The following CACNB4 variants were observed in gnomAD, a reference collection of about 807,000 sequenced individuals.
CACNB4 encodes the protein calcium voltage-gated channel auxiliary subunit beta 4, also known as voltage-dependent L-type calcium channel subunit beta-4.
Under a neutral mutation model 71.2 loss-of-function variants are expected in CACNB4, and 32 were observed. That is an observed-to-expected ratio of 0.45 (90% CI 0.34 to 0.60). CACNB4 has a LOEUF of 0.60. CACNB4 is among the 20% of genes least tolerant of loss of function. The pLI is 0.01. For synonymous variants in CACNB4, 231 were observed against 236.9 expected (o/e 0.97, Z 0.23); for missense variants, 464 against 647.9 (o/e 0.72, Z 3.08).
chr2:151,895,096 C>CCT (rs762464510), intron 2 of CACNB4, among the ~76,000 whole-genome samples: 2 of 22,288 alleles, frequency 9.0e-5, no homozygotes, highest in Non-Finnish European at 5.4e-4. Flanking sequence ...TCAAATAGCC[C>CCT]CACACACACA....
chr2:151,843,609 C>A (rs1578425291), intron 12 of CACNB4, among the ~76,000 whole-genome samples: 1 of 152,198 alleles, frequency 6.6e-6, no homozygotes, highest in East Asian at 1.9e-4. Flanking sequence ...AGTCACCACA[C>A]CCGGCTCACA....
Position 152,058,877 on chromosome 2 carries a change from C to T in CACNB4, c.147+39453G>A, listed in dbSNP as rs188000558. 3.2e-3 allele frequency among the ~76,000 whole-genome samples: 490 copies of T among 152,326 alleles called. 4 individuals carry two copies. The highest frequency in any genetic ancestry group is 4.5e-3 in the Non-Finnish European group (309 of 68,024). Reference sequence around the variant, plus strand: ...TGGTTTCATGGGCTGTGCCCAGGATCCCCCCTGCTGTATGTAGCCTCTTGG... The same window carrying T: ...TGGTTTCATGGGCTGTGCCCAGGATTCCCCCTGCTGTATGTAGCCTCTTGG... On this transcript the variant is annotated intron_variant, in intron 2 of 13. Transcript: ENST00000539935.
chr2:151,876,242 G>A (rs1181528552), intron 5 of CACNB4, among the ~76,000 whole-genome samples, 184 bp downstream of exon 5: 1 of 152,016 alleles, frequency 6.6e-6, no homozygotes, highest in African/African-American at 2.4e-5. Flanking sequence ...GAATTCATAT[G>A]GTCTCCAGTG....
chr2:151,952,890 C>G (rs75986362), intron 2 of CACNB4, among the ~76,000 whole-genome samples: 1,530 of 152,280 alleles, frequency 0.01, 24 homozygotes, highest in African/African-American at 0.035. Flanking sequence ...AGGATGAAAA[C>G]CGGTTTCTAG....
chr2:151,903,920 T>C (rs903126255), intron 2 of CACNB4, among the ~76,000 whole-genome samples: 1 of 152,200 alleles, frequency 6.6e-6, no homozygotes, highest in African/African-American at 2.4e-5. Context: ...ATCTTTTTCA[T>C]CTTTGTGTCC....
chr2:152,059,864 G>A (rs1169386300), intron 2 of CACNB4, among the ~76,000 whole-genome samples: 1 of 152,218 alleles, frequency 6.6e-6, no homozygotes, highest in African/African-American at 2.4e-5. Context: ...CAAGGAGGGA[G>A]GTGATTGGAT....
At chr2:152,084,356 A>G (rs2105435166) in intron 2 of CACNB4, among the ~76,000 whole-genome samples, 1 of 152,322 alleles carries the variant, frequency 6.6e-6, no homozygotes, top group South Asian at 2.1e-4. Context: ...GCACCTTAGA[A>G]GGAAGAAGCT....
chr2:151,851,742 C>G (rs1423769991), intron 12 of CACNB4: 3 of 152,148 alleles, frequency 2.0e-5, no homozygotes, highest in Non-Finnish European at 2.9e-5. Flanking sequence ...AAATCTCTTG[C>G]ATTTGTAATT....
chr2:152,096,584 C>G (rs1005358983), intron 2 of CACNB4, among the ~76,000 whole-genome samples: 1 of 152,140 alleles, frequency 6.6e-6, no homozygotes, highest in Non-Finnish European at 1.5e-5. Flanking sequence ...ACCATTTAAT[C>G]AAACCAATGA....
intron 9 of CACNB4, chr2:151,866,494 CTATT>C (rs1446763161): frequency 6.6e-6 from 1 of 152,210 alleles, no homozygotes; most frequent in Non-Finnish European, 1.5e-5. Context: ...CAATTAAAGA[CTATT>C]TGTTTTTTTC....
chr2:151,863,044 T>C (rs979775426), intron 9 of CACNB4, among the ~76,000 whole-genome samples: 1 of 151,616 alleles, frequency 6.6e-6, no homozygotes, highest in Non-Finnish European at 1.5e-5. Context: ...CTCTCCAGAA[T>C]AGGGTTTGTG....
At chr2:151,871,010 AT>A (rs1253247995) in intron 6 of CACNB4, 149 bp from the exon 7 acceptor site, 7 of 631,256 alleles carry the variant, frequency 1.1e-5, no homozygotes, top group African/African-American at 3.7e-5. Context: ...CTGCCTTATG[AT>A]TTCATTCTGG....
At chr2:152,025,902 A>G (rs1437777306) in intron 2 of CACNB4, among the ~76,000 whole-genome samples, 3 of 152,236 alleles carry the variant, frequency 2.0e-5, no homozygotes, top group Admixed American at 2.0e-4. Flanking sequence ...GCAGTATAGT[A>G]GAAAAACGTC....
intron 2 of CACNB4, among the ~76,000 whole-genome samples, chr2:152,075,465 G>A (rs1020715201): frequency 6.6e-6 from 1 of 152,234 alleles, no homozygotes. Flanking sequence ...TACAGAGGCT[G>A]TGACATATAT....
intron 2 of CACNB4, among the ~76,000 whole-genome samples, chr2:151,985,251 T>C (rs1453799200): frequency 6.6e-6 from 1 of 152,184 alleles, no homozygotes; most frequent in Non-Finnish European, 1.5e-5. Context: ...ATATGCTATA[T>C]GTAAACTTTT....
intron 2 of CACNB4, among the ~76,000 whole-genome samples, chr2:151,956,912 C>G (rs1034632697): frequency 6.6e-6 from 1 of 152,084 alleles, no homozygotes. Context: ...TGTGGGAGAC[C>G]AAGGCGGTGG....
At chr2:151,913,774 A>AAG (rs1359767118) in intron 2 of CACNB4, among the ~76,000 whole-genome samples, 1 of 151,282 alleles carries the variant, frequency 6.6e-6, no homozygotes, top group African/African-American at 2.4e-5. Context: ...TCAAAAAAAA[A>AAG]AAAAAAAAGA....
intron 2 of CACNB4, among the ~76,000 whole-genome samples, chr2:152,058,131 A>G (rs1250343472): frequency 1.3e-5 from 2 of 152,170 alleles, no homozygotes; most frequent in African/African-American, 2.4e-5. Context: ...GCCTTCCTCC[A>G]TGACTGTAAA....
chr2:151,880,243 G>A (rs2099847489), intron 4 of CACNB4: 1 of 153,156 alleles, frequency 6.5e-6, no homozygotes, highest in Admixed American at 6.6e-5. Flanking sequence ...CCTCCACTAG[G>A]GGTCTTGGAT....
Sources: gnomAD v4.1 joint callset for allele counts (sites outside exome capture counted in the v4.1 genomes callset) on GRCh38, gnomAD v4.1.1 for gene constraint, MANE v1.5 for transcripts, NCBI Gene and HGNC (gene_info 2026-07-23, HGNC 2026-07-21) for gene names.